The following TECPR2 variants were observed in gnomAD, a reference collection of about 807,000 sequenced individuals.
The protein encoded by TECPR2 is tectonin beta-propeller repeat containing 2, also known as tectonin beta-propeller repeat-containing protein 2.
TECPR2 carries 65 observed loss-of-function variants against 138.1 expected under a neutral mutation model. The ratio of observed to expected loss-of-function variants is 0.47; its 90% CI spans 0.39 to 0.58. The LOEUF is 0.58. Ranked by LOEUF, TECPR2 falls within the 20% of genes least tolerant of loss-of-function variation. The pLI is 0.00. For synonymous variants in TECPR2, 746 were observed against 749.8 expected, an observed-to-expected ratio of 0.99 and a Z score of 0.08; for missense variants, 1,553 against 1,824.5, an observed-to-expected ratio of 0.85 and a Z score of 2.71.
chr14:102,385,659 C>T (rs907391668), intron 2 of TECPR2, among the ~76,000 whole-genome samples: 1 of 152,080 alleles, frequency 6.6e-6, no homozygotes, highest in African/African-American at 2.4e-5. Context: ...CTAGTCCAGG[C>T]ATAGTGGCAC....
At position 102,434,527 on chromosome 14, in the gene TECPR2, G is replaced by T; in HGVS notation, c.1710G>T (p.Met570Ile). ...LAEEDDIRTE[M>I]PHCHHAHGRE... ...AGGAAGATGACATTAGAACTGAAAT[G>T]CCACACTGTCACCATGCACATGGGC... The change falls in exon 9 of 20, where the codon ATG becomes ATT. Residue 570 changes from methionine (M) to isoleucine (I), a missense_variant. Coordinates refer to ENST00000359520, the MANE Select transcript of TECPR2 (RefSeq NM_014844.5). 2 of 1,557,838 alleles carry T rather than the reference G, an allele frequency of 1.3e-6. No individual in the cohort carries two copies. Among genetic ancestry groups the T allele is most frequent in the Non-Finnish European group, 1.7e-6 (2 of 1,150,758 alleles).
intron 5 of TECPR2, among the ~76,000 whole-genome samples, chr14:102,416,615 A>C (rs1276999345): frequency 2.0e-5 from 3 of 152,232 alleles, no homozygotes; most frequent in Non-Finnish European, 4.4e-5. Flanking sequence ...TCTTGGAAGG[A>C]AGGCAGAGTG....
At chr14:102,467,544 C>G (rs1289422051) in intron 17 of TECPR2, among the ~76,000 whole-genome samples, 1 of 151,928 alleles carries the variant, frequency 6.6e-6, no homozygotes, top group Non-Finnish European at 1.5e-5. Context: ...AGGCTGGTCT[C>G]GAACTCCTGA....
intron 2 of TECPR2, among the ~76,000 whole-genome samples, chr14:102,401,753 C>T (rs1253335273): frequency 7.8e-6 from 1 of 127,532 alleles, no homozygotes; most frequent in African/African-American, 3.0e-5. Flanking sequence ...TGCAGTGAGC[C>T]GAGATCGCAC....
intron 2 of TECPR2, among the ~76,000 whole-genome samples, chr14:102,401,631 G>A (rs1888483275): frequency 6.6e-6 from 1 of 150,808 alleles, no homozygotes; most frequent in Admixed American, 6.6e-5. Context: ...GTGGAACCCT[G>A]TCTCTATTAA....
intron 1 of TECPR2, among the ~76,000 whole-genome samples, chr14:102,367,042 G>C (rs1887362499): frequency 6.6e-6 from 1 of 152,182 alleles, no homozygotes; most frequent in South Asian, 2.1e-4. Flanking sequence ...GAGTGGGACA[G>C]AGTGGGTCAG....
chr14:102,460,825 G>T (rs1385794796), intron 16 of TECPR2, among the ~76,000 whole-genome samples: 1 of 151,314 alleles, frequency 6.6e-6, no homozygotes, highest in Non-Finnish European at 1.5e-5. Context: ...CTCCTGAGTA[G>T]CTGGGACTAC....
At chr14:102,408,672 A>T in intron 4 of TECPR2, 53 bp downstream of exon 4, 1 of 1,526,442 alleles carries the variant, frequency 6.6e-7, no homozygotes. Flanking sequence ...CATTTGGAAA[A>T]ACTATATTTA....
intron 5 of TECPR2, among the ~76,000 whole-genome samples, chr14:102,418,509 G>T (rs1427094536): frequency 6.6e-6 from 1 of 152,246 alleles, no homozygotes; most frequent in Admixed American, 6.5e-5. Flanking sequence ...ACCTTAGAGA[G>T]AGGCTCTGGA....
chr14:102,497,236 TG>T (rs763575378), intron 18 of TECPR2, 116 bp downstream of exon 18: 61 of 1,438,022 alleles, frequency 4.2e-5, no homozygotes, highest in Non-Finnish European at 5.6e-5. Flanking sequence ...GCTGGGGCTG[TG>T]CTGTCGCCGC....
In TECPR2 at chr14:102,367,260, T is replaced by C. The variant is rs190827970; in HGVS notation, c.-73+4144T>C. Among the ~76,000 whole-genome samples the C allele has an allele frequency of 2.2e-3, 328 of 152,284 alleles. 3 individuals are homozygous for C. Among genetic ancestry groups the C allele is most frequent in the African/African-American group, 7.5e-3 (311 of 41,546 alleles). ...GTTTTTTGGGGGGTAACAGCTTTAT[T>C]GAGATATAATTTACATGCCACACAG... On this transcript the variant is annotated intron_variant, in intron 1 of 19. Transcript: ENST00000359520.
chr14:102,371,422 T>C (rs1887505853), intron 1 of TECPR2, among the ~76,000 whole-genome samples: 1 of 152,180 alleles, frequency 6.6e-6, no homozygotes, highest in Non-Finnish European at 1.5e-5. Flanking sequence ...CTCAACCTGC[T>C]CCTCCTATCT....
intron 2 of TECPR2, among the ~76,000 whole-genome samples, chr14:102,380,994 T>G (rs953910114): frequency 2.3e-4 from 35 of 151,152 alleles, no homozygotes; most frequent in African/African-American, 7.8e-4. Flanking sequence ...TTTTTTTTTT[T>G]GGCAGAGTTT....
intron 17 of TECPR2, among the ~76,000 whole-genome samples, chr14:102,473,192 G>T (rs1208867141): frequency 1.3e-5 from 2 of 152,256 alleles, no homozygotes; most frequent in Non-Finnish European, 2.9e-5. Flanking sequence ...CAAGGCCTGG[G>T]CCAGGACCAA....
chr14:102,424,337 T>C (rs1889259295), intron 5 of TECPR2, among the ~76,000 whole-genome samples: 1 of 152,190 alleles, frequency 6.6e-6, no homozygotes, highest in Non-Finnish European at 1.5e-5. Flanking sequence ...AATGGTTTGT[T>C]GTTGTTGTTT....
rs1889007238 is a variant in TECPR2 at position 102,415,766 on chromosome 14, T to C, written c.638+973T>C. Among the ~76,000 whole-genome samples the C allele has an allele frequency of 6.6e-6, 1 of 152,158 alleles. No homozygotes were observed. Among genetic ancestry groups the C allele is most frequent in the Non-Finnish European group, 1.5e-5 (1 of 68,026 alleles). ...TCTTGTGTCTCCCAGGAAAGGGCAC[T>C]GTTTGCCTGCATAGAATCAGGGGCA... On this transcript the variant is annotated intron_variant, in intron 5 of 19. Transcript: ENST00000359520. The surrounding 1 kb of genome is among the most constrained non-coding windows in gnomAD (Gnocchi z 4.3).
rs761147488 is a variant in TECPR2 at position 102,434,546 on chromosome 14, C to T, written c.1729C>T (p.His577Tyr). The change falls in exon 9 of 20, where the codon CAT (histidine) becomes TAT (tyrosine). Residue 577 changes from histidine to tyrosine, a missense_variant. By Grantham distance (83) the His-to-Tyr change is moderately conservative. Coordinates refer to ENST00000359520, the MANE Select transcript of TECPR2 (RefSeq NM_014844.5). Reference protein sequence around the residue: ...RTEMPHCHHAHGRELLNGARE... With the variant: ...RTEMPHCHHAYGRELLNGARE... ...TGAAATGCCACACTGTCACCATGCA[C>T]ATGGGCGGGAGCTGCTCAATGGAGC... 8.4e-6 allele frequency: 13 copies of T among 1,553,160 alleles called. No individual in the cohort carries two copies. In the East Asian group the frequency reaches 2.0e-4, roughly 24 times the overall value.
intron 12 of TECPR2, 111 bp from the exon 13 acceptor site, chr14:102,445,695 C>T (rs1226725786): frequency 1.7e-5 from 23 of 1,385,168 alleles, no homozygotes; most frequent in Non-Finnish European, 2.0e-5. Context: ...TCCAGGGCCA[C>T]GTCTCTTCTC....
chr14:102,420,671 A>G lies in TECPR2; in HGVS notation c.639-4308A>G, dbSNP rs902773933. Reference sequence around the variant, plus strand: ...TAATTTGTAGAGATGGTGTCTCTCTAGGTCACCCAGGCTGTTGTCAAACTC... The same window carrying G: ...TAATTTGTAGAGATGGTGTCTCTCTGGGTCACCCAGGCTGTTGTCAAACTC... On this transcript the variant is annotated intron_variant, in intron 5 of 19. Coordinates refer to ENST00000359520, the MANE Select transcript of TECPR2 (RefSeq NM_014844.5). The surrounding 1 kb of genome is among the most constrained non-coding windows in gnomAD (Gnocchi z 4.1). 6.6e-6 allele frequency among the ~76,000 whole-genome samples: 1 copy of G among 152,060 alleles called. No homozygotes were observed. Among genetic ancestry groups the G allele is most frequent in the Non-Finnish European group, 1.5e-5 (1 of 67,984 alleles).
Sources: gnomAD v4.1 joint callset for allele counts (sites outside exome capture counted in the v4.1 genomes callset) on GRCh38, gnomAD v4.1.1 for gene constraint, Gnocchi (gnomAD v3.1) non-coding constraint, MANE v1.5 for transcripts, NCBI Gene and HGNC (gene_info 2026-07-23, HGNC 2026-07-21) for gene names.